Variants in SAR1B observed in about 807,000 individuals in gnomAD.
The protein encoded by SAR1B is secretion associated Ras related GTPase 1B.
In SAR1B, 23 loss-of-function variants were observed where a neutral mutation model predicts 26.8. The ratio of observed to expected loss-of-function variants is 0.86; its 90% CI spans 0.62 to 1.22. The LOEUF (loss-of-function observed/expected upper bound fraction) is 1.22. SAR1B is among the 50% of genes most tolerant of loss of function. The pLI is 0.00. For missense variants in SAR1B, 196 were observed against 232.8 expected, an observed-to-expected ratio of 0.84 and a Z score of 1.03; for synonymous variants, 65 against 80.8, an observed-to-expected ratio of 0.80 and a Z score of 1.05.
chr5:134,631,656 G>C (rs1765608275), intron 1 of SAR1B: 1 of 152,178 alleles, frequency 6.6e-6, no homozygotes, highest in Admixed American at 6.6e-5. Flanking sequence ...ACCTCATTTT[G>C]TCCACTGTAC....
At position 134,605,961 on chromosome 5, in the gene SAR1B, TG is replaced by T. The variant is rs1765120356; in HGVS notation, c.*988del. 1 of 152,174 alleles carries T rather than the reference TG, an allele frequency of 6.6e-6. No homozygotes were observed. The highest frequency in any genetic ancestry group is 2.4e-5 in the African/African-American group (1 of 41,448). The allele number at this position is 152,174 out of a possible 1,614,324, so 9.4% of individuals were successfully genotyped here. A position where few individuals can be genotyped will look rare whatever the true frequency, so the allele number is the denominator to read the frequency against. ...AGAGTACTGTTAAATGTACAGAGAC[TG>T]GGAATATATCTAAATGTGGAGACAC... On this transcript the variant is annotated 3_prime_UTR_variant, in exon 7 of 7. Coordinates refer to ENST00000402673, the MANE Select transcript of SAR1B (RefSeq NM_016103.4).
chr5:134,619,005 G>GA (rs113318468), intron 3 of SAR1B, among the ~76,000 whole-genome samples: 91 of 129,810 alleles, frequency 7.0e-4, no homozygotes, highest in Admixed American at 8.1e-4. Flanking sequence ...CTCAAAAAAG[G>GA]AAAAAAAAAA....
intron 1 of SAR1B, chr5:134,632,039 A>G (rs1243650679): frequency 1.3e-5 from 2 of 152,204 alleles, no homozygotes; most frequent in Non-Finnish European, 1.5e-5. Flanking sequence ...TCTCTACTAA[A>G]AAATACAAAA....
At chr5:134,617,814 T>A (rs1406339059) in intron 3 of SAR1B, among the ~76,000 whole-genome samples, 1 of 152,078 alleles carries the variant, frequency 6.6e-6, no homozygotes, top group East Asian at 1.9e-4. Context: ...CCCGAGTAGG[T>A]GGAATTACAG....
At chr5:134,616,210 G>A (rs190775408) in intron 3 of SAR1B, among the ~76,000 whole-genome samples, 3 of 151,792 alleles carry the variant, frequency 2.0e-5, no homozygotes, top group Admixed American at 1.3e-4. Context: ...GCCGAGGGGG[G>A]CGGATCACCT....
intron 3 of SAR1B, among the ~76,000 whole-genome samples, chr5:134,617,915 C>G (rs1222923390): frequency 6.6e-6 from 1 of 152,088 alleles, no homozygotes; most frequent in South Asian, 2.1e-4. Context: ...GCTGTTTTTG[C>G]AGACAATTTT....
rs1423153742 is a variant in SAR1B at position 134,605,968 on chromosome 5, A to G, written c.*982T>C. ...TGTTAAATGTACAGAGACTGGGAAT[A>G]TATCTAAATGTGGAGACACTGGTGC... is the stretch of plus-strand genomic sequence containing the variant. On this transcript the variant is annotated 3_prime_UTR_variant, in exon 7 of 7. Transcript: ENST00000402673. 1 of 152,210 alleles carries G rather than the reference A, an allele frequency of 6.6e-6. No homozygotes were observed. Among genetic ancestry groups the G allele is most frequent in the African/African-American group, 2.4e-5 (1 of 41,456 alleles). The allele number at this position is 152,210 out of a possible 1,614,324, so 9.4% of individuals were successfully genotyped here.
At position 134,624,387 on chromosome 5, in the gene SAR1B, G is replaced by A. The variant is rs143293634; in HGVS notation, c.-18-350C>T. On this transcript the variant is annotated intron_variant, in intron 1 of 6. Transcript: ENST00000402673. ...TTGTGCCACTGTACTCCTGCATGGTGGTGCACACCTGCAGTACCAGCTACT... is the reference window on the plus strand; with the variant it reads ...TTGTGCCACTGTACTCCTGCATGGTAGTGCACACCTGCAGTACCAGCTACT... 3.3e-4 allele frequency among the ~76,000 whole-genome samples: 50 copies of A among 152,056 alleles called. 1 individual carries two copies. Among genetic ancestry groups the A allele is most frequent in the Non-Finnish European group, 4.7e-4 (32 of 67,986 alleles).
intron 5 of SAR1B, among the ~76,000 whole-genome samples, chr5:134,609,337 T>A (rs1192815989): frequency 6.6e-6 from 1 of 152,220 alleles, no homozygotes; most frequent in Non-Finnish European, 1.5e-5. Context: ...GTGAGCTTCT[T>A]AAGTCTTCAT....
chr5:134,622,410 C>CTTTTTTTTTT (rs70976542), intron 2 of SAR1B, among the ~76,000 whole-genome samples: 1 of 135,608 alleles, frequency 7.4e-6, no homozygotes, highest in African/African-American at 2.7e-5. Context: ...AGCCCATATT[C>CTTTTTTTTTT]TTTTTTTTTT....
chr5:134,612,708 A>C lies in SAR1B; in HGVS notation c.227T>G (p.Leu76Arg). ...AATCTTACCTTGAACATGTCCACCC[A>C]GATCAAAAGTTGTAAACGTCATGCC... The part of the protein sequence containing the change: ...IAGMTFTTFD[L>R]GGHVQARRVW... The change falls in exon 4 of 7, where the codon CTG becomes CGG. Residue 76 changes from leucine to arginine, a missense_variant. Coordinates refer to ENST00000402673, the MANE Select transcript of SAR1B (RefSeq NM_016103.4). The C allele has an allele frequency of 6.6e-7, 1 of 1,508,832 alleles. No individual in the cohort carries two copies. The highest frequency in any genetic ancestry group is 9.0e-7 in the Non-Finnish European group (1 of 1,108,400). The allele number at this position is 1,508,832 out of a possible 1,614,324, so 93.5% of individuals were successfully genotyped here.
At chr5:134,629,198 G>C (rs1376335052) in intron 1 of SAR1B, among the ~76,000 whole-genome samples, 3 of 152,028 alleles carry the variant, frequency 2.0e-5, no homozygotes, top group African/African-American at 7.2e-5. Flanking sequence ...AAGGTGGGGG[G>C]ATCACTTGAA....
At chr5:134,616,352 G>T (rs1279824690) in intron 3 of SAR1B, among the ~76,000 whole-genome samples, 1 of 149,964 alleles carries the variant, frequency 6.7e-6, no homozygotes, top group African/African-American at 2.5e-5. Flanking sequence ...CAAGAGAATC[G>T]CTTGAACCCG....
rs1183820241 is a variant in SAR1B, at chr5:134,632,712, A to AG, written c.-19+15dup. 6.6e-6 allele frequency: 1 copy of AG among 152,412 alleles called. No individual in the cohort carries two copies. The highest frequency in any genetic ancestry group is 2.4e-5 in the African/African-American group (1 of 41,458). The allele number at this position is 152,412 out of a possible 1,614,324, so 9.4% of individuals were successfully genotyped here. A position where few individuals can be genotyped will look rare whatever the true frequency, so the allele number is the denominator to read the frequency against. ...GCTGCCCACCGGTCCTCCCAGAAGG[A>AG]GGGGCTGTCACTCACCTGCGACTGG... On this transcript the variant is annotated intron_variant, in intron 1 of 6. Transcript: ENST00000402673.
intron 1 of SAR1B, among the ~76,000 whole-genome samples, chr5:134,629,115 T>TA (rs781245048): frequency 1.6e-3 from 216 of 134,978 alleles, no homozygotes; most frequent in Middle Eastern, 3.6e-3. Context: ...ACCCTGTCTT[T>TA]AAAAAAAAAA....
At position 134,606,366 on chromosome 5, in the gene SAR1B, C is replaced by G. The variant is rs936720047; in HGVS notation, c.*584G>C. The G allele has an allele frequency of 6.4e-6, 1 of 156,768 alleles. No homozygotes were observed. The highest frequency in any genetic ancestry group is 1.4e-5 in the Non-Finnish European group (1 of 70,698). The allele number at this position is 156,768 out of a possible 1,614,324, so 9.7% of individuals were successfully genotyped here. A position where few individuals can be genotyped will look rare whatever the true frequency, so the allele number is the denominator to read the frequency against. On this transcript the variant is annotated 3_prime_UTR_variant, in exon 7 of 7. Coordinates refer to ENST00000402673, the MANE Select transcript of SAR1B (RefSeq NM_016103.4). ...CTTCATATGCCTAATATTAAATACT[C>G]AAATTTTCAGAGTATACTAGCTAGA...
In SAR1B at chr5:134,629,778, C is replaced by T. The variant is rs570272191; in HGVS notation, c.-19+2950G>A. 1.0e-4 allele frequency among the ~76,000 whole-genome samples: 15 copies of T among 150,356 alleles called. No individual in the cohort carries two copies. The South Asian group carries it at 3.1e-3, about 31-fold the overall frequency. ...GTAGGCACCTGTAGTTCCATCTACT[C>T]AGGAAGCTGAGGTATGAGAATTGCT... is the stretch of plus-strand genomic sequence containing the variant. On this transcript the variant is annotated intron_variant, in intron 1 of 6. Coordinates refer to ENST00000402673, the MANE Select transcript of SAR1B (RefSeq NM_016103.4).
chr5:134,616,770 G>A (rs1392940301), intron 3 of SAR1B, among the ~76,000 whole-genome samples: 1 of 152,106 alleles, frequency 6.6e-6, no homozygotes, highest in Non-Finnish European at 1.5e-5. Context: ...TCATATAAAT[G>A]GTATCATACA....
intron 3 of SAR1B, among the ~76,000 whole-genome samples, chr5:134,616,401 C>T (rs1470414093): frequency 1.3e-5 from 2 of 148,898 alleles, no homozygotes; most frequent in Non-Finnish European, 3.0e-5. Context: ...CATACCATTG[C>T]ACTCCAGCCT....
Sources: allele counts gnomAD v4.1 joint callset (sites outside exome capture counted in the v4.1 genomes callset), GRCh38; gene constraint gnomAD v4.1.1; transcripts MANE v1.5; gene names NCBI Gene and HGNC (gene_info 2026-07-23, HGNC 2026-07-21).